Variants in SLC4A4 observed in about 807,000 individuals in gnomAD.
SLC4A4 encodes electrogenic sodium bicarbonate cotransporter 1.
A neutral mutation model predicts 111.5 loss-of-function variants in SLC4A4; 27 were observed. The ratio of observed to expected loss-of-function variants is 0.24; its 90% confidence interval spans 0.18 to 0.33. The LOEUF is 0.33. Ranked by LOEUF, SLC4A4 falls within the 10% of genes least tolerant of loss-of-function variation. SLC4A4 has a pLI of 1.00. For synonymous variants in SLC4A4, 443 were observed against 463.4 expected, an observed-to-expected ratio of 0.96 and a Z score of 0.57; for missense variants, 909 against 1,315.5, an observed-to-expected ratio of 0.69 and a Z score of 4.78.
chr4:71,552,634 T>C (rs115006239), intron 20 of SLC4A4, among the ~76,000 whole-genome samples: 123 of 152,010 alleles, frequency 8.1e-4, no homozygotes, highest in African/African-American at 2.8e-3. Context: ...TTATCTCAAT[T>C]ATTCCATCTG....
rs78270071 is a variant in SLC4A4, at chr4:71,322,378, A to G, written c.254-16992A>G. Among the ~76,000 whole-genome samples, 1,449 of 152,084 alleles carry G rather than the reference A, an allele frequency of 9.5e-3. 20 individuals are homozygous for G. The highest frequency in any genetic ancestry group is 0.015 in the Non-Finnish European group (1,014 of 67,922). ...TTTTGACAGAGAGTCTATAGGAAGG[A>G]GAATGTCTTCTTTTGTATGTGAAAG... is the stretch of plus-strand genomic sequence containing the variant. On this transcript the variant is annotated intron_variant, in intron 3 of 25. Coordinates refer to ENST00000264485, the MANE Select transcript of SLC4A4 (RefSeq NM_001098484.3).
intron 15 of SLC4A4, among the ~76,000 whole-genome samples, chr4:71,487,402 C>G (rs550845959): frequency 6.6e-6 from 1 of 151,704 alleles, no homozygotes; most frequent in East Asian, 2.0e-4. Flanking sequence ...TCTTACCAAC[C>G]AAATGGTGCT....
At chr4:71,357,707 C>G (rs1392707312) in intron 6 of SLC4A4, among the ~76,000 whole-genome samples, 1 of 152,140 alleles carries the variant, frequency 6.6e-6, no homozygotes, top group African/African-American at 2.4e-5. Context: ...TAAAACCAAT[C>G]TGCTTTCTGA....
At chr4:71,229,806 T>C (rs1194348405) in intron 1 of SLC4A4, among the ~76,000 whole-genome samples, 1 of 148,200 alleles carries the variant, frequency 6.7e-6, no homozygotes, top group African/African-American at 2.5e-5. Context: ...TTAGAGCCCC[T>C]GCGAAGTTTT....
In SLC4A4 at chr4:71,120,092, G is replaced by A. The variant is rs538018182; in HGVS notation, c.-2+27300G>A. 1.4e-4 allele frequency among the ~76,000 whole-genome samples: 21 copies of A among 151,984 alleles called. No homozygotes were observed. In the South Asian group the frequency reaches 3.5e-3, roughly 26 times the overall value. On this transcript the variant is annotated intron_variant, in intron 2 of 26. Transcript: ENST00000649996. ...GATAATATTGGAAGGTTTTGAACTC[G>A]GTTCTTATGCTTGTGGTTTCTACTG...
At chr4:71,077,138 G>A (rs937950938) in intron 1 of SLC4A4, among the ~76,000 whole-genome samples, 7 of 149,226 alleles carry the variant, frequency 4.7e-5, no homozygotes, top group Admixed American at 6.7e-5. Context: ...TGATTAATTA[G>A]TGGTCCTGGA....
rs374784846 is a variant in SLC4A4, at chr4:71,382,016, A to G, written c.731-15561A>G. 1.6e-4 allele frequency among the ~76,000 whole-genome samples: 24 copies of G among 152,314 alleles called. 1 individual carries two copies. In the East Asian group the frequency reaches 4.2e-3, roughly 27 times the overall value. On this transcript the variant is annotated intron_variant, in intron 6 of 25. Coordinates refer to ENST00000264485, the MANE Select transcript of SLC4A4 (RefSeq NM_001098484.3). Reference sequence around the variant, plus strand: ...ACATGGCCATAGGAGTGTTGATTAAAGGAACTGGAGAAAAGGCAGCTTAGT... The same window carrying G: ...ACATGGCCATAGGAGTGTTGATTAAGGGAACTGGAGAAAAGGCAGCTTAGT...
At chr4:71,149,745 T>A (rs1218913710) in intron 2 of SLC4A4, among the ~76,000 whole-genome samples, 1 of 152,196 alleles carries the variant, frequency 6.6e-6, no homozygotes, top group Non-Finnish European at 1.5e-5. Context: ...TCAACTGTGC[T>A]GATAGGTTTG....
At chr4:71,128,050 C>T (rs1219591807) in intron 2 of SLC4A4, among the ~76,000 whole-genome samples, 1 of 152,220 alleles carries the variant, frequency 6.6e-6, no homozygotes, top group Non-Finnish European at 1.5e-5. Flanking sequence ...CGTGCCACTA[C>T]ACTCCAGCCT....
intron 1 of SLC4A4, among the ~76,000 whole-genome samples, chr4:71,208,361 G>A (rs1221567840): frequency 6.6e-6 from 1 of 151,502 alleles, no homozygotes; most frequent in Non-Finnish European, 1.5e-5. Flanking sequence ...AACCCGGGAG[G>A]CGGAGCTTGC....
intron 1 of SLC4A4, among the ~76,000 whole-genome samples, chr4:71,220,747 C>G (rs1433611992): frequency 6.6e-6 from 1 of 151,808 alleles, no homozygotes; most frequent in Non-Finnish European, 1.5e-5. Flanking sequence ...TTTGGGGGTA[C>G]ATGTGAAGGT....
intron 3 of SLC4A4, among the ~76,000 whole-genome samples, chr4:71,318,772 A>T (rs1726896460): frequency 1.3e-5 from 2 of 151,958 alleles, no homozygotes; most frequent in African/African-American, 4.8e-5. Context: ...TATGTAAACC[A>T]GTAATGGAGT....
chr4:71,067,816 A>G (rs1223928628), intron 1 of SLC4A4, among the ~76,000 whole-genome samples: 1 of 151,642 alleles, frequency 6.6e-6, no homozygotes, highest in Non-Finnish European at 1.5e-5. Flanking sequence ...TGGTATGATC[A>G]TAGCTCACCG....
intron 2 of SLC4A4, among the ~76,000 whole-genome samples, chr4:71,100,022 A>G (rs1742677450): frequency 1.3e-5 from 2 of 152,168 alleles, no homozygotes; most frequent in Non-Finnish European, 2.9e-5. Flanking sequence ...TCTACCAGGT[A>G]TACAAAGAAG....
Position 71,251,432 on chromosome 4 carries a change from A to G in SLC4A4, c.74-3788A>G, listed in dbSNP as rs1402325319. Among the ~76,000 whole-genome samples, 11 of 152,344 alleles carry G rather than the reference A, an allele frequency of 7.2e-5. No homozygotes were observed. The East Asian group carries it at 1.7e-3, about 24-fold the overall frequency. ...GGATGGGAAGAAACAAGAATCACGT[A>G]GTGATCATTTCTGACATTCAGAGAT... On this transcript the variant is annotated intron_variant, in intron 2 of 25. Coordinates refer to ENST00000264485, the MANE Select transcript of SLC4A4 (RefSeq NM_001098484.3).
chr4:71,453,440 A>C, intron 11 of SLC4A4, 55 bp from the exon 12 acceptor site: 1 of 1,520,018 alleles, frequency 6.6e-7, no homozygotes, highest in Non-Finnish European at 9.1e-7. Context: ...CCTCTTGATT[A>C]ATTTGATGGT....
chr4:71,282,815 G>A (rs575234345), intron 3 of SLC4A4, among the ~76,000 whole-genome samples: 16 of 151,758 alleles, frequency 1.1e-4, no homozygotes, highest in Admixed American at 2.0e-4. Context: ...GGGCTCAAGC[G>A]ATCCTCCTAC....
chr4:71,297,915 T>A (rs1181747912), intron 3 of SLC4A4, among the ~76,000 whole-genome samples: 1 of 152,158 alleles, frequency 6.6e-6, no homozygotes, highest in Admixed American at 6.5e-5. Context: ...TGTATAATTT[T>A]AAAATTAACC....
At chr4:71,496,666 C>A (rs1049786219) in intron 15 of SLC4A4, among the ~76,000 whole-genome samples, 3 of 151,944 alleles carry the variant, frequency 2.0e-5, no homozygotes, top group East Asian at 1.9e-4. Context: ...CTGGCCCTAT[C>A]TACTATGCTA....
Sources: allele counts gnomAD v4.1 joint callset (sites outside exome capture counted in the v4.1 genomes callset), GRCh38; gene constraint gnomAD v4.1.1; transcripts MANE v1.5; gene names NCBI Gene and HGNC (gene_info 2026-07-23, HGNC 2026-07-21).